The following ARHGAP31 variants were observed in gnomAD, a reference collection of about 807,000 sequenced individuals.
ARHGAP31 encodes the protein Rho GTPase activating protein 31.
Under a neutral mutation model 113.9 loss-of-function variants are expected in ARHGAP31, and 34 were observed. That is an observed-to-expected ratio of 0.30 (90% confidence interval 0.23 to 0.40). The LOEUF (loss-of-function observed/expected upper bound fraction) is 0.40. Among genes scored for constraint, ARHGAP31 ranks in the 10% least tolerant of loss-of-function variants. The probability of loss-of-function intolerance (pLI) is 1.00; values close to 1 mark genes in which losing one functional copy is unlikely to be tolerated. For missense variants in ARHGAP31, 1,548 were observed against 1,767.1 expected, an observed-to-expected ratio of 0.88 and a Z score of 2.22; for synonymous variants, 650 against 684.8, an observed-to-expected ratio of 0.95 and a Z score of 0.79.
At chr3:119,365,950 A>C (rs1420092616) in intron 2 of ARHGAP31, among the ~76,000 whole-genome samples, 2 of 152,100 alleles carry the variant, frequency 1.3e-5, no homozygotes, top group Non-Finnish European at 2.9e-5. Context: ...AATAATAAAA[A>C]TAAAAAATAA....
intron 1 of ARHGAP31, among the ~76,000 whole-genome samples, chr3:119,301,952 T>TA (rs1445495097): frequency 3.3e-5 from 5 of 152,166 alleles, no homozygotes; most frequent in Admixed American, 1.3e-4. Context: ...TCCACTTCCT[T>TA]CTAGTGGTTC....
intron 3 of ARHGAP31, 151 bp from the exon 4 acceptor site, chr3:119,380,753 T>C: frequency 2.8e-6 from 2 of 706,604 alleles, no homozygotes; most frequent in Non-Finnish European, 2.5e-6. Context: ...AGTGGGATAG[T>C]TGTTTTCATA....
intron 6 of ARHGAP31, among the ~76,000 whole-genome samples, chr3:119,387,863 C>A (rs1371184427): frequency 6.6e-6 from 1 of 151,952 alleles, no homozygotes; most frequent in Non-Finnish European, 1.5e-5. Context: ...CAATAAATAC[C>A]AAGAAGAAAA....
intron 11 of ARHGAP31, among the ~76,000 whole-genome samples, chr3:119,411,335 A>G (rs569619551): frequency 5.3e-5 from 8 of 152,308 alleles, no homozygotes; most frequent in African/African-American, 1.9e-4. Context: ...CAGGAGAGAA[A>G]AGCTGGAGGT....
chr3:119,307,201 C>G (rs897929033), intron 1 of ARHGAP31, among the ~76,000 whole-genome samples: 2 of 152,122 alleles, frequency 1.3e-5, no homozygotes, highest in African/African-American at 4.8e-5. Flanking sequence ...CATGGACAAG[C>G]TACCAAACCT....
At chr3:119,353,315 G>A (rs1036976997) in intron 1 of ARHGAP31, among the ~76,000 whole-genome samples, 1 of 152,180 alleles carries the variant, frequency 6.6e-6, no homozygotes, top group Non-Finnish European at 1.5e-5. Flanking sequence ...CCCACCAGCT[G>A]TAATCTTTTT....
chr3:119,390,951 C>T lies in ARHGAP31; in HGVS notation c.849C>T (p.Leu283=), dbSNP rs760736236. The T allele has an allele frequency of 1.9e-6, 3 of 1,614,232 alleles. No individual in the cohort carries two copies. Among genetic ancestry groups the T allele is most frequent in the Non-Finnish European group, 2.5e-6 (3 of 1,180,052 alleles). The part of the protein sequence containing the change: ...LPEIVPPMGT[L]FHTVLELPDN... The stretch of plus-strand genomic sequence containing the variant: ...AGATTGTCCCTCCCATGGGCACCCT[C>T]TTCCACACTGTCCTTGAGTTACCAG... The change falls in exon 7 of 12, where the codon CTC becomes CTT. Residue 283 remains leucine, a synonymous_variant. Coordinates refer to ENST00000264245, the MANE Select transcript of ARHGAP31 (RefSeq NM_020754.4).
intron 9 of ARHGAP31, among the ~76,000 whole-genome samples, chr3:119,401,473 CTT>C (rs1317355689): frequency 6.6e-6 from 1 of 152,188 alleles, no homozygotes. Context: ...CCATCTGTCT[CTT>C]TATTTTTTCA....
At chr3:119,376,531 G>C (rs1023887980) in intron 3 of ARHGAP31, among the ~76,000 whole-genome samples, 1 of 152,098 alleles carries the variant, frequency 6.6e-6, no homozygotes, top group Non-Finnish European at 1.5e-5. Context: ...TGTCCCCGCT[G>C]TCCCCAAAGC....
At chr3:119,308,634 A>G (rs763232420) in intron 1 of ARHGAP31, among the ~76,000 whole-genome samples, 5 of 152,118 alleles carry the variant, frequency 3.3e-5, no homozygotes, top group Non-Finnish European at 5.9e-5. Context: ...TCCCTATCTC[A>G]AGGTCCTTAA....
chr3:119,352,718 T>A (rs2080120489), intron 1 of ARHGAP31, among the ~76,000 whole-genome samples: 1 of 152,206 alleles, frequency 6.6e-6, no homozygotes, highest in South Asian at 2.1e-4. Context: ...TATTGGACAT[T>A]ATTCTACAGG....
At chr3:119,337,863 G>A (rs1267049976) in intron 1 of ARHGAP31, among the ~76,000 whole-genome samples, 1 of 152,188 alleles carries the variant, frequency 6.6e-6, no homozygotes, top group East Asian at 1.9e-4. Context: ...CAATCCTTTA[G>A]CTAGACAGAA....
intron 1 of ARHGAP31, among the ~76,000 whole-genome samples, chr3:119,360,490 C>T (rs1348898037): frequency 6.6e-6 from 1 of 152,168 alleles, no homozygotes; most frequent in Non-Finnish European, 1.5e-5. Context: ...TGATCAGGTC[C>T]CAGGCACACA....
rs2080760506 is a variant in ARHGAP31 at position 119,415,019 on chromosome 3, C to T, written c.3090C>T (p.Pro1030=). 6.2e-7 allele frequency: 1 copy of T among 1,614,028 alleles called. No individual in the cohort carries two copies. The highest frequency in any genetic ancestry group is 8.5e-7 in the Non-Finnish European group (1 of 1,180,028). Reference sequence around the variant, plus strand: ...AGAAGGGACCAAGTGGTGTGCAACCCAACCCAGCAGAAACCAGCCCCATCA... The same window carrying T: ...AGAAGGGACCAAGTGGTGTGCAACCTAACCCAGCAGAAACCAGCCCCATCA... ...PNQKGPSGVQ[P]NPAETSPISL... Residue 1030 remains proline (P), a synonymous_variant, in exon 12 of 12, where the codon CCC becomes CCT. Coordinates refer to ENST00000264245, the MANE Select transcript of ARHGAP31 (RefSeq NM_020754.4).
chr3:119,322,735 T>C (rs554730573), intron 1 of ARHGAP31: 105 of 153,196 alleles, frequency 6.9e-4, no homozygotes, highest in Middle Eastern at 3.4e-3. Flanking sequence ...TCGCTTCCCC[T>C]CGAGCGCCCC....
At chr3:119,330,254 G>C (rs535289441) in intron 1 of ARHGAP31, among the ~76,000 whole-genome samples, 8 of 152,328 alleles carry the variant, frequency 5.3e-5, no homozygotes, top group Non-Finnish European at 1.0e-4. Flanking sequence ...AGAGAACCCA[G>C]AGCTGCCCAA....
In ARHGAP31 at chr3:119,415,907, A is replaced by G; in HGVS notation, c.3978A>G (p.Leu1326=). The G allele has an allele frequency of 6.2e-7, 1 of 1,614,214 alleles. No homozygotes were observed. The highest frequency in any genetic ancestry group is 1.3e-5 in the African/African-American group (1 of 75,052). The stretch of plus-strand genomic sequence containing the variant: ...GGGACAACCTTCTTTCTTCAAAACT[A>G]GAGCGACCATCTGGGGGTTCTAAGC... ...PSGDNLLSSK[L]ERPSGGSKPF... is the part of the protein sequence containing the mutation. Residue 1326 remains leucine (L), a synonymous_variant, in exon 12 of 12, where the codon CTA becomes CTG. Coordinates refer to ENST00000264245, the MANE Select transcript of ARHGAP31 (RefSeq NM_020754.4).
rs1380266494 is a variant in ARHGAP31 at position 119,409,738 on chromosome 3, C to T, written c.1888C>T (p.Pro630Ser). The T allele has an allele frequency of 6.2e-7, 1 of 1,608,552 alleles. No individual in the cohort carries two copies. ...GGAGTCCAGCACCCTGCAGGAGAGC[C>T]CCAGGGCCAGAGCCGAAGCTGTGCT... The part of the protein sequence containing the change: ...EMESSTLQES[P>S]RARAEAVLLH... Residue 630 changes from proline (P) to serine (S), a missense_variant, in exon 11 of 12, where the codon CCC becomes TCC. Physicochemically the swap from Pro to Ser is moderately conservative, Grantham distance 74. Transcript: ENST00000264245.
Position 119,415,087 on chromosome 3 carries a change from G to A in ARHGAP31, c.3158G>A (p.Ser1053Asn), listed in dbSNP as rs772181757. The A allele has an allele frequency of 2.5e-6, 4 of 1,614,072 alleles. No homozygotes were observed. Among genetic ancestry groups the A allele is most frequent in the Admixed American group, 3.3e-5 (2 of 60,004 alleles). ...GAGCTAGGGACACACCTGGGGCACA[G>A]CAGTCCACAGATTAGGCAAGGTGGT... ...GKELGTHLGHSSPQIRQGGVP... is the reference protein window; with the variant it reads ...GKELGTHLGHNSPQIRQGGVP... The change falls in exon 12 of 12, where the codon AGC (serine) becomes AAC (asparagine). Residue 1053 changes from serine to asparagine, a missense_variant. Coordinates refer to ENST00000264245, the MANE Select transcript of ARHGAP31 (RefSeq NM_020754.4).
Sources: gnomAD v4.1 joint callset for allele counts (sites outside exome capture counted in the v4.1 genomes callset) on GRCh38, gnomAD v4.1.1 for gene constraint, MANE v1.5 for transcripts, NCBI Gene and HGNC (gene_info 2026-07-23, HGNC 2026-07-21) for gene names.